The following MAGI2 variants were observed in gnomAD, a reference collection of about 807,000 sequenced individuals.
MAGI2 encodes membrane-associated guanylate kinase, WW and PDZ domain-containing protein 2.
In MAGI2, 35 loss-of-function variants were observed where a neutral mutation model predicts 133.3. That is an observed-to-expected ratio of 0.26 (90% CI 0.20 to 0.35). The LOEUF (loss-of-function observed/expected upper bound fraction) is 0.35. MAGI2 is among the 10% of genes least tolerant of loss of function. The pLI is 1.00. For missense variants in MAGI2, 1,636 were observed against 1,863.4 expected, an observed-to-expected ratio of 0.88 and a Z score of 2.25; for synonymous variants, 729 against 710.6, an observed-to-expected ratio of 1.03 and a Z score of -0.41.
intron 3 of MAGI2, among the ~76,000 whole-genome samples, chr7:78,558,667 C>T (rs919714211): frequency 1.3e-5 from 2 of 152,002 alleles, no homozygotes; most frequent in Non-Finnish European, 2.9e-5. Flanking sequence ...CTTTTTGGGT[C>T]CTTATAATCA....
At chr7:78,779,001 G>A (rs993005345) in intron 2 of MAGI2, among the ~76,000 whole-genome samples, 1 of 148,132 alleles carries the variant, frequency 6.8e-6, no homozygotes, top group African/African-American at 2.5e-5. Context: ...ATGCCTCCCC[G>A]GTTCAAGCGA....
chr7:79,270,580 T>C (rs1443642200), intron 1 of MAGI2, among the ~76,000 whole-genome samples: 4 of 152,164 alleles, frequency 2.6e-5, no homozygotes, highest in Non-Finnish European at 4.4e-5. Context: ...ATGAGACAGA[T>C]CCTTGTAGAG....
chr7:79,176,560 A>C (rs1826115960), intron 1 of MAGI2, among the ~76,000 whole-genome samples: 1 of 151,998 alleles, frequency 6.6e-6, no homozygotes, highest in Non-Finnish European at 1.5e-5. Flanking sequence ...TATATTTTGG[A>C]TTTTATTATC....
At chr7:79,038,217 T>G (rs1811296593) in intron 1 of MAGI2, among the ~76,000 whole-genome samples, 2 of 152,140 alleles carry the variant, frequency 1.3e-5, no homozygotes, top group Non-Finnish European at 2.9e-5. Flanking sequence ...GTGGTTAGGG[T>G]TTTTACAAGA....
At chr7:79,012,288 T>C (rs926287028) in intron 1 of MAGI2, 7 of 152,164 alleles carry the variant, frequency 4.6e-5, no homozygotes, top group Non-Finnish European at 7.3e-5. Flanking sequence ...TGCCTTCCCT[T>C]TGCTATTATC....
At chr7:78,033,354 T>C (rs1809800780) in intron 21 of MAGI2, among the ~76,000 whole-genome samples, 2 of 151,654 alleles carry the variant, frequency 1.3e-5, no homozygotes, top group Admixed American at 1.3e-4. Flanking sequence ...GTGTCTGTAG[T>C]CCCAGCTACT....
chr7:78,860,917 G>T (rs491431), intron 2 of MAGI2, among the ~76,000 whole-genome samples: 52,970 of 151,938 alleles, frequency 0.35, 9,399 homozygotes, highest in Non-Finnish European at 0.38. Context: ...AGGCAGCTTT[G>T]TTTACCTACT....
intron 2 of MAGI2, among the ~76,000 whole-genome samples, chr7:78,922,702 A>T (rs1439528729): frequency 6.6e-6 from 1 of 152,124 alleles, no homozygotes; most frequent in East Asian, 1.9e-4. Context: ...CTTTGGGTAT[A>T]TACCCAGTAA....
In MAGI2 at chr7:78,584,421, GA is replaced by G. The variant is rs57844382; in HGVS notation, c.538+42698del. ...GGTGACAGAGTGAGACTCCGTCTCA[GA>G]AAAAAAAAAAAAAAAAAAAAAAAAA... On this transcript the variant is annotated intron_variant, in intron 3 of 21. Coordinates refer to ENST00000354212, the MANE Select transcript of MAGI2 (RefSeq NM_012301.4). 9.9e-3 allele frequency among the ~76,000 whole-genome samples: 830 copies of G among 83,898 alleles called. 12 individuals carry two copies. The highest frequency in any genetic ancestry group is 0.011 in the Non-Finnish European group (444 of 41,710). The allele number at this position is 83,898 out of a possible 152,430, so 55.0% of individuals were successfully genotyped here. A position where few individuals can be genotyped will look rare whatever the true frequency, so the allele number is the denominator to read the frequency against.
At position 78,501,644 on chromosome 7, in the gene MAGI2, C is replaced by T. The variant is rs1213809456; in HGVS notation, c.898G>A (p.Glu300Lys). Reference sequence around the variant, plus strand: ...CAGTTATCAGGCAATGGGTCTGGTTCCTCATTGTCTTCAGGTTTAGTTGGC... The same window carrying T: ...CAGTTATCAGGCAATGGGTCTGGTTTCTCATTGTCTTCAGGTTTAGTTGGC... ...TKPTKPEDNE[E>K]PDPLPDNWEM... The change falls in exon 5 of 22, where the codon GAA becomes AAA. Residue 300 changes from glutamate to lysine, a missense_variant. Coordinates refer to ENST00000354212, the MANE Select transcript of MAGI2 (RefSeq NM_012301.4). 3 of 1,614,122 alleles carry T rather than the reference C, an allele frequency of 1.9e-6. No individual in the cohort carries two copies. In the South Asian group the frequency reaches 3.3e-5, roughly 18 times the overall value.
intron 9 of MAGI2, among the ~76,000 whole-genome samples, chr7:78,264,434 G>A (rs1217874083): frequency 3.9e-5 from 6 of 152,146 alleles, no homozygotes; most frequent in African/African-American, 1.4e-4. Context: ...ATTCCTGAAG[G>A]TGAAAATTGA....
At chr7:78,434,286 T>C (rs1173380791) in intron 6 of MAGI2, among the ~76,000 whole-genome samples, 2 of 152,182 alleles carry the variant, frequency 1.3e-5, no homozygotes, top group East Asian at 1.9e-4. Flanking sequence ...GAAAATTGAA[T>C]GAAAAGGTCT....
chr7:78,017,406 A>AT lies in MAGI2; in HGVS notation c.*1908dup, dbSNP rs929735674. The AT allele has an allele frequency of 3.3e-5, 5 of 152,032 alleles. No homozygotes were observed. The highest frequency in any genetic ancestry group is 5.9e-5 in the Non-Finnish European group (4 of 67,916). 9.4% of individuals were successfully genotyped at this position (152,032 alleles called of 1,614,324 possible). ...TAGAGTTTATGCCAGTGTAATCTCAATTTTTTTTTCCTTTTGTAATACATG... is the reference window on the plus strand; with the variant it reads ...TAGAGTTTATGCCAGTGTAATCTCAATTTTTTTTTTCCTTTTGTAATACATG... On this transcript the variant is annotated 3_prime_UTR_variant, in exon 22 of 22. Coordinates refer to ENST00000354212, the MANE Select transcript of MAGI2 (RefSeq NM_012301.4).
At chr7:78,637,150 A>G (rs1809753650) in intron 2 of MAGI2, among the ~76,000 whole-genome samples, 1 of 152,204 alleles carries the variant, frequency 6.6e-6, no homozygotes, top group Admixed American at 6.5e-5. Flanking sequence ...GGAGTACTCT[A>G]TAGCCATGTA....
chr7:79,410,613 G>C (rs1319998155), intron 1 of MAGI2: 1 of 151,926 alleles, frequency 6.6e-6, no homozygotes, highest in East Asian at 1.9e-4. Context: ...CTGTGTAAAG[G>C]AAACAATTAA....
In MAGI2 at chr7:78,064,656, A is replaced by G. The variant is rs879596234; in HGVS notation, c.3706+14291T>C. Among the ~76,000 whole-genome samples, 3 of 152,272 alleles carry G rather than the reference A, an allele frequency of 2.0e-5. No individual in the cohort carries two copies. In the South Asian group the frequency reaches 6.2e-4, roughly 32 times the overall value. ...TTGATTTATACTTATATGGCTAACC[A>G]TGGAGACTGAGCATGAGTACAGTTT... On this transcript the variant is annotated intron_variant, in intron 21 of 21. Transcript: ENST00000354212.
At chr7:78,990,905 T>TACACACACACACACACAC (rs140828645) in intron 2 of MAGI2, among the ~76,000 whole-genome samples, 67 of 141,492 alleles carry the variant, frequency 4.7e-4, no homozygotes, top group Admixed American at 6.3e-4. Context: ...TATATGTACA[T>TACACACACACACACACAC]ACACACACAC....
At chr7:79,221,000 T>G (rs1303675400) in intron 1 of MAGI2, among the ~76,000 whole-genome samples, 1 of 151,938 alleles carries the variant, frequency 6.6e-6, no homozygotes, top group Non-Finnish European at 1.5e-5. Context: ...TGAGGAGTGG[T>G]GTGTAGTATG....
At chr7:78,525,231 A>G (rs761565404) in intron 3 of MAGI2, among the ~76,000 whole-genome samples, 3 of 152,222 alleles carry the variant, frequency 2.0e-5, no homozygotes, top group African/African-American at 2.4e-5. Flanking sequence ...TGGCAATAAT[A>G]GCAATATAAA....
Sources: gnomAD v4.1 joint callset for allele counts (sites outside exome capture counted in the v4.1 genomes callset) on GRCh38, gnomAD v4.1.1 for gene constraint, MANE v1.5 for transcripts, NCBI Gene and HGNC (gene_info 2026-07-23, HGNC 2026-07-21) for gene names.